Variants in KCNQ1 observed in about 807,000 individuals in gnomAD.
KCNQ1 encodes the protein potassium voltage-gated channel subfamily KQT member 1.
Under a neutral mutation model 72.4 loss-of-function variants are expected in KCNQ1, and 49 were observed. That is an observed-to-expected ratio of 0.68 (90% CI 0.54 to 0.86). The LOEUF is 0.86. KCNQ1 is among the 40% of genes least tolerant of loss of function. KCNQ1 has a pLI of 0.00. For synonymous variants in KCNQ1, 450 were observed against 412.6 expected (o/e 1.09, Z -1.10); for missense variants, 790 against 945.1 (o/e 0.84, Z 2.15).
chr11:2,582,342 G>A (rs1200645815), intron 6 of KCNQ1, among the ~76,000 whole-genome samples: 5 of 152,212 alleles, frequency 3.3e-5, no homozygotes, highest in South Asian at 4.1e-4. Context: ...CCCTGGTCTC[G>A]TGGGGGCTCA....
intron 11 of KCNQ1, among the ~76,000 whole-genome samples, chr11:2,756,981 A>AAAAAAAAAAAAAAAAAAAAAAAC (rs58902386): frequency 1.7e-5 from 2 of 115,178 alleles, no homozygotes; most frequent in Admixed American, 1.0e-4. Context: ...AAAAAAAAAA[A>AAAAAAAAAAAAAAAAAAAAAAAC]CCCACAGCTA....
At chr11:2,466,785 C>G (rs1028263240) in intron 1 of KCNQ1, among the ~76,000 whole-genome samples, 1 of 147,304 alleles carries the variant, frequency 6.8e-6, no homozygotes, top group Non-Finnish European at 1.5e-5. Context: ...CTTAGCCTCC[C>G]TTGGCCTCAG....
chr11:2,573,282 C>T (rs930874085), intron 6 of KCNQ1, among the ~76,000 whole-genome samples: 4 of 152,144 alleles, frequency 2.6e-5, no homozygotes, highest in Non-Finnish European at 4.4e-5. Flanking sequence ...TTAGCGGTTT[C>T]GGCTCCCCCA....
chr11:2,775,577 G>T (rs1433430957), intron 12 of KCNQ1, among the ~76,000 whole-genome samples: 1 of 152,224 alleles, frequency 6.6e-6, no homozygotes, highest in African/African-American at 2.4e-5. Flanking sequence ...TGTGCCTCCT[G>T]GTCAGTGCCT....
In KCNQ1 at chr11:2,588,938, C is replaced by T; in HGVS notation, c.1393+84C>T. The T allele has an allele frequency of 8.0e-6, 12 of 1,497,042 alleles. No individual in the cohort carries two copies. The highest frequency in any genetic ancestry group is 1.1e-5 in the Non-Finnish European group (12 of 1,095,512). 92.7% of individuals were successfully genotyped at this position (1,497,042 alleles called of 1,614,324 possible). On this transcript the variant is annotated intron_variant, in intron 10 of 15. Coordinates refer to ENST00000155840, the MANE Select transcript of KCNQ1 (RefSeq NM_000218.3). The surrounding 1 kb of genome is among the most constrained non-coding windows in gnomAD (Gnocchi z 5.6). The stretch of plus-strand genomic sequence containing the variant: ...GGAGCCCGAGCAAGCCAGTGAGTTT[C>T]TCCCTTGGGCTGTGGTCTCTGACAA...
chr11:2,542,339 G>A (rs959778421), intron 2 of KCNQ1, among the ~76,000 whole-genome samples: 2 of 152,248 alleles, frequency 1.3e-5, no homozygotes, highest in East Asian at 1.9e-4. Flanking sequence ...AGGGGAAGCC[G>A]GTGTAAGGGG....
intron 2 of KCNQ1, among the ~76,000 whole-genome samples, chr11:2,545,251 C>A (rs529269135): frequency 2.6e-5 from 4 of 152,092 alleles, no homozygotes; most frequent in Non-Finnish European, 5.9e-5. Flanking sequence ...TTTCTTGTAA[C>A]GTCTTTGGCT....
At chr11:2,568,875 G>A (rs1197885141) in intron 2 of KCNQ1, among the ~76,000 whole-genome samples, 1 of 151,868 alleles carries the variant, frequency 6.6e-6, no homozygotes, top group Non-Finnish European at 1.5e-5. Flanking sequence ...TTTGTTTTTT[G>A]ATTTTTGTTT....
intron 10 of KCNQ1, chr11:2,656,230 C>A (rs1281680405): frequency 5.0e-6 from 2 of 398,520 alleles, no homozygotes; most frequent in South Asian, 1.3e-4. Context: ...TTAGCTCTGT[C>A]ACTTGACAAC....
rs147536847 is a variant in KCNQ1, at chr11:2,519,845, C to T, written c.387-8083C>T. Among the ~76,000 whole-genome samples the T allele has an allele frequency of 9.1e-3, 1,389 of 152,170 alleles. 19 individuals carry two copies. Among genetic ancestry groups the T allele is most frequent in the Non-Finnish European group, 9.5e-3 (648 of 68,004 alleles). ...ACCTGACATAGAAAACACCCCTTTGCAGCTGAGGCTGAGGGTCCCGAGAGG... is the reference window on the plus strand; with the variant it reads ...ACCTGACATAGAAAACACCCCTTTGTAGCTGAGGCTGAGGGTCCCGAGAGG... On this transcript the variant is annotated intron_variant, in intron 1 of 15. Transcript: ENST00000155840.
At chr11:2,791,835 C>T (rs950477269) in intron 15 of KCNQ1, among the ~76,000 whole-genome samples, 11 of 152,226 alleles carry the variant, frequency 7.2e-5, no homozygotes, top group Admixed American at 4.6e-4. Flanking sequence ...TGGCTCCGAG[C>T]CCGCAGGTGG....
Position 2,768,999 on chromosome 11 carries a change from T to C in KCNQ1, c.1590+80T>C. ...AGCTGCCCACACCTCTCCTGGGTTC[T>C]CTCCTGCCCATAGTGGAGGGTGTCA... On this transcript the variant is annotated intron_variant, in intron 12 of 15. Coordinates refer to ENST00000155840, the MANE Select transcript of KCNQ1 (RefSeq NM_000218.3). This position sits in a 1 kb window ranked among gnomAD's most constrained non-coding sequence, Gnocchi z 6.7. The C allele has an allele frequency of 8.3e-7, 1 of 1,204,348 alleles. No homozygotes were observed. The highest frequency in any genetic ancestry group is 1.2e-5 in the South Asian group (1 of 81,364). 74.6% of individuals were successfully genotyped at this position (1,204,348 alleles called of 1,614,324 possible). A position where few individuals can be genotyped will look rare whatever the true frequency, so the allele number is the denominator to read the frequency against.
chr11:2,639,175 C>T (rs1033309284), intron 10 of KCNQ1: 35 of 152,142 alleles, frequency 2.3e-4, no homozygotes, highest in African/African-American at 7.0e-4. Flanking sequence ...TCCTTTAGCT[C>T]GGAGAAGTTT....
Position 2,526,267 on chromosome 11 carries a change from CA to C in KCNQ1, c.387-1660del, listed in dbSNP as rs1424213561. 1.3e-5 allele frequency among the ~76,000 whole-genome samples: 2 copies of C among 151,642 alleles called. No individual in the cohort carries two copies. The highest frequency in any genetic ancestry group is 2.9e-5 in the Non-Finnish European group (2 of 67,908). On this transcript the variant is annotated intron_variant, in intron 1 of 15. Transcript: ENST00000155840. This position sits in a 1 kb window ranked among gnomAD's most constrained non-coding sequence, Gnocchi z 6.1. ...CGAGGGTGGAGGTGGGCACTGTGGT[CA>C]GGGGGAGATGAGGATGGATGGGCAG... is the stretch of plus-strand genomic sequence containing the variant.
In KCNQ1 at chr11:2,847,801, C is replaced by A. The variant is rs794728542; in HGVS notation, c.1829C>A (p.Thr610Asn). The change falls in exon 16 of 16, where the codon ACC becomes AAC. Residue 610 changes from threonine to asparagine, a missense_variant. Physicochemically the swap from Thr to Asn is moderately conservative, Grantham distance 65. This residue lies in a region of KCNQ1 where 91 missense variants were observed against 139.1 expected (regional missense o/e 0.65). Transcript: ENST00000155840. ...TQLDQRLALITDMLHQLLSLH... is the reference protein window; with the variant it reads ...TQLDQRLALINDMLHQLLSLH... ...CTGGACCAGAGGCTGGCACTCATCACCGACATGCTTCACCAGCTGCTCTCC... is the reference window on the plus strand; with the variant it reads ...CTGGACCAGAGGCTGGCACTCATCAACGACATGCTTCACCAGCTGCTCTCC... 2.4e-5 allele frequency: 38 copies of A among 1,571,674 alleles called. No homozygotes were observed. The highest frequency in any genetic ancestry group is 3.1e-5 in the Non-Finnish European group (36 of 1,158,132).
At chr11:2,800,664 C>T (rs558392947) in intron 15 of KCNQ1, among the ~76,000 whole-genome samples, 80 of 152,320 alleles carry the variant, frequency 5.3e-4, no homozygotes, top group Middle Eastern at 3.4e-3. Context: ...CAAGGTCCAA[C>T]GCCCAGCTTA....
intron 15 of KCNQ1, among the ~76,000 whole-genome samples, chr11:2,798,479 G>C (rs567548787): frequency 2.0e-5 from 3 of 152,186 alleles, no homozygotes; most frequent in African/African-American, 7.2e-5. Context: ...CTGTAGAGGG[G>C]TTTGCGGCAG....
chr11:2,819,293 G>A (rs1847684396), intron 15 of KCNQ1, among the ~76,000 whole-genome samples: 1 of 152,192 alleles, frequency 6.6e-6, no homozygotes, highest in Non-Finnish European at 1.5e-5. Flanking sequence ...AGGAGAGGAA[G>A]ACAAACCAGA....
Position 2,734,984 on chromosome 11 carries a change from G to A in KCNQ1, c.1515-33860G>A, listed in dbSNP as rs960040971. Among the ~76,000 whole-genome samples the A allele has an allele frequency of 6.6e-6, 1 of 152,082 alleles. No homozygotes were observed. Among genetic ancestry groups the A allele is most frequent in the African/African-American group, 2.4e-5 (1 of 41,422 alleles). On this transcript the variant is annotated intron_variant, in intron 11 of 15. Coordinates refer to ENST00000155840, the MANE Select transcript of KCNQ1 (RefSeq NM_000218.3). The surrounding 1 kb of genome is among the most constrained non-coding windows in gnomAD (Gnocchi z 7.0). ...GGAGTGGCCGCGTGCCCAGCCGGCT[G>A]TGCACGCTGCCCCAGGCTGGTGGGG...
Sources: gnomAD v4.1 joint callset for allele counts (sites outside exome capture counted in the v4.1 genomes callset) on GRCh38, gnomAD v4.1.1 for gene constraint, gnomAD v4.1.1 regional missense constraint, Gnocchi (gnomAD v3.1) non-coding constraint, MANE v1.5 for transcripts, NCBI Gene and HGNC (gene_info 2026-07-23, HGNC 2026-07-21) for gene names.